Variants in PCDHGA8 observed in about 807,000 individuals in gnomAD.
The protein encoded by PCDHGA8 is protocadherin gamma subfamily A, 8.
A neutral mutation model predicts 59.2 loss-of-function variants in PCDHGA8; 45 were observed. The ratio of observed to expected loss-of-function variants is 0.76; its 90% CI spans 0.60 to 0.98. The LOEUF (loss-of-function observed/expected upper bound fraction) is 0.98, where lower values mean the gene tolerates loss of function less well. PCDHGA8 is among the 50% of genes least tolerant of loss of function. The probability of loss-of-function intolerance (pLI) is 0.00; values close to 1 mark genes in which losing one functional copy is unlikely to be tolerated. For synonymous variants in PCDHGA8, 531 were observed against 519.0 expected, an observed-to-expected ratio of 1.02 and a Z score of -0.32; for missense variants, 1,257 against 1,196.2, an observed-to-expected ratio of 1.05 and a Z score of -0.75.
intron 1 of PCDHGA8, among the ~76,000 whole-genome samples, chr5:141,425,820 C>T (rs978139996): frequency 6.6e-6 from 1 of 152,156 alleles, no homozygotes; most frequent in Admixed American, 6.5e-5. Flanking sequence ...TAGAAAAAAA[C>T]AAACTTTTAA....
chr5:141,468,598 G>A (rs1250884127), intron 1 of PCDHGA8: 1 of 152,228 alleles, frequency 6.6e-6, no homozygotes, highest in African/African-American at 2.4e-5. Context: ...TGGGCGCGGT[G>A]GCTCACGCCT....
rs1561852927 is a variant in PCDHGA8, at chr5:141,431,472, A to G, written c.2424+36235A>G. On this transcript the variant is annotated intron_variant, in intron 1 of 3. Coordinates refer to ENST00000398604, the MANE Select transcript of PCDHGA8 (RefSeq NM_032088.2). The surrounding 1 kb of genome is among the most constrained non-coding windows in gnomAD (Gnocchi z 4.8). The stretch of plus-strand genomic sequence containing the variant: ...GTGATGGTTCTGGATGCGAACGACA[A>G]CGCACCAGCGTTTGCTCAGCCCGAG... 6.2e-7 allele frequency: 1 copy of G among 1,613,784 alleles called. No individual in the cohort carries two copies. The highest frequency in any genetic ancestry group is 8.5e-7 in the Non-Finnish European group (1 of 1,179,948).
At chr5:141,494,768 C>T (rs758949982) in intron 1 of PCDHGA8, 39 bp from the exon 2 acceptor site, 1 of 1,614,060 alleles carries the variant, frequency 6.2e-7, no homozygotes, top group South Asian at 1.1e-5. Flanking sequence ...TCTAACTTCT[C>T]ACGGGTACTC....
rs1456184444 is a variant in PCDHGA8, at chr5:141,512,578, C to T, written c.*1405C>T. On this transcript the variant is annotated 3_prime_UTR_variant, in exon 4 of 4. Coordinates refer to ENST00000398604, the MANE Select transcript of PCDHGA8 (RefSeq NM_032088.2). ...ATAGACCTTCTTCTCCCACCCCCTT[C>T]TGCCCCTGGGTCCCCGGCCATCCAG... is the stretch of plus-strand genomic sequence containing the variant. 1 of 152,944 alleles carries T rather than the reference C, an allele frequency of 6.5e-6. No homozygotes were observed. The highest frequency in any genetic ancestry group is 1.5e-5 in the Non-Finnish European group (1 of 68,542). 9.5% of individuals were successfully genotyped at this position (152,944 alleles called of 1,614,324 possible). A position where few individuals can be genotyped will look rare whatever the true frequency, so the allele number is the denominator to read the frequency against.
intron 1 of PCDHGA8, chr5:141,479,209 A>T (rs1314929824): frequency 6.6e-6 from 1 of 152,432 alleles, no homozygotes; most frequent in African/African-American, 2.4e-5. Context: ...AAAAGTATTT[A>T]AAAAATTAAA....
At chr5:141,435,805 T>C (rs2097780946) in intron 1 of PCDHGA8, among the ~76,000 whole-genome samples, 1 of 152,178 alleles carries the variant, frequency 6.6e-6, no homozygotes, top group African/African-American at 2.4e-5. Flanking sequence ...GTCCCAATTA[T>C]TTTTTCTTTC....
Position 141,399,283 on chromosome 5 carries a change from G to T in PCDHGA8, c.2424+4046G>T, listed in dbSNP as rs533695738. ...GGTTAATTGTCAATTACAAGGCGAA[G>T]TCCCTTTTAAGATTATCTCTTCATC... On this transcript the variant is annotated intron_variant, in intron 1 of 3. Coordinates refer to ENST00000398604, the MANE Select transcript of PCDHGA8 (RefSeq NM_032088.2). The T allele has an allele frequency of 5.0e-6, 8 of 1,613,888 alleles. No individual in the cohort carries two copies. The South Asian group carries it at 7.7e-5, about 16-fold the overall frequency.
intron 1 of PCDHGA8, chr5:141,398,802 C>A: frequency 6.2e-7 from 1 of 1,613,982 alleles, no homozygotes; most frequent in Non-Finnish European, 8.5e-7. Context: ...TAAGCGGCAC[C>A]ACTGAGCTCC....
intron 1 of PCDHGA8, chr5:141,412,147 G>C (rs1447265509): frequency 6.6e-6 from 1 of 152,176 alleles, no homozygotes; most frequent in East Asian, 1.9e-4. Context: ...GATACAAACT[G>C]CCTAAGAGAA....
chr5:141,492,851 C>T (rs1289268967), intron 1 of PCDHGA8, among the ~76,000 whole-genome samples: 2 of 152,204 alleles, frequency 1.3e-5, no homozygotes, highest in Non-Finnish European at 2.9e-5. Flanking sequence ...GTGAAAGCCT[C>T]GAGCGCCCTG....
intron 1 of PCDHGA8, among the ~76,000 whole-genome samples, chr5:141,448,086 TAA>T (rs558292628): frequency 6.8e-6 from 1 of 146,354 alleles, no homozygotes; most frequent in Middle Eastern, 3.2e-3. Flanking sequence ...AATGCCATCT[TAA>T]AAAAAAAAAA....
At chr5:141,505,538 T>C in intron 3 of PCDHGA8, 57 bp downstream of exon 3, 1 of 1,610,262 alleles carries the variant, frequency 6.2e-7, no homozygotes, top group Non-Finnish European at 8.5e-7. Context: ...CTGGGGTGCA[T>C]CTCACAGCCA....
chr5:141,502,087 C>T (rs1289663374), intron 2 of PCDHGA8, among the ~76,000 whole-genome samples: 1 of 152,180 alleles, frequency 6.6e-6, no homozygotes, highest in Admixed American at 6.5e-5. Context: ...GGGCTGAGAA[C>T]ACCTGGCCTT....
At chr5:141,463,402 T>C (rs1214124103) in intron 1 of PCDHGA8, among the ~76,000 whole-genome samples, 1 of 149,978 alleles carries the variant, frequency 6.7e-6, no homozygotes, top group African/African-American at 2.5e-5. Context: ...GCAAAAAAAA[T>C]GGAGATCCTA....
intron 2 of PCDHGA8, 105 bp downstream of exon 2, chr5:141,494,970 C>T (rs1352514628): frequency 1.9e-6 from 3 of 1,584,974 alleles, no homozygotes; most frequent in East Asian, 4.6e-5. Context: ...GATGGCTTCT[C>T]CCTCAGTTTG....
At chr5:141,439,996 G>C (rs1156373511) in intron 1 of PCDHGA8, 1 of 153,262 alleles carries the variant, frequency 6.5e-6, no homozygotes, top group African/African-American at 2.4e-5. Flanking sequence ...GTTTGGTGGT[G>C]GGAAACCTTG....
Position 141,490,066 on chromosome 5 carries a change from C to G in PCDHGA8, c.2425-4741C>G. ...TGATCCAGACGAGGGCACCAACGGC[C>G]AACTAGACTATTCTTTTGGAGACCA... On this transcript the variant is annotated intron_variant, in intron 1 of 3. Coordinates refer to ENST00000398604, the MANE Select transcript of PCDHGA8 (RefSeq NM_032088.2). The surrounding 1 kb of genome is among the most constrained non-coding windows in gnomAD (Gnocchi z 5.4). The G allele has an allele frequency of 1.2e-6, 2 of 1,614,248 alleles. No individual in the cohort carries two copies. Among genetic ancestry groups the G allele is most frequent in the Non-Finnish European group, 1.7e-6 (2 of 1,180,034 alleles).
In PCDHGA8 at chr5:141,486,157, AG is replaced by A. The variant is rs1562110605; in HGVS notation, c.2425-8649del. 1 of 1,614,208 alleles carries A rather than the reference AG, an allele frequency of 6.2e-7. No homozygotes were observed. Among genetic ancestry groups the A allele is most frequent in the Admixed American group, 1.7e-5 (1 of 60,026 alleles). On this transcript the variant is annotated intron_variant, in intron 1 of 3. Coordinates refer to ENST00000398604, the MANE Select transcript of PCDHGA8 (RefSeq NM_032088.2). This position sits in a 1 kb window ranked among gnomAD's most constrained non-coding sequence, Gnocchi z 5.0. ...TGCGGGCTCGCGATGGGGGTTCTCC[AG>A]CCATGGAGCAACATTGCAGCCTTCG...
rs192995605 is a variant in PCDHGA8, at chr5:141,395,094, G to A, written c.2281G>A (p.Ala761Thr). The stretch of plus-strand genomic sequence containing the variant: ...CTATTCCCAGGAAGTCTCCCTCACC[G>A]CCGACTCGCGGAAGAGTCACCTGAT... ...QTYSQEVSLTADSRKSHLIFP... is the reference protein window; with the variant it reads ...QTYSQEVSLTTDSRKSHLIFP... Residue 761 changes from alanine (A) to threonine (T), a missense_variant, in exon 1 of 4, where the codon GCC becomes ACC. Ala to Thr is a moderately conservative substitution (Grantham distance 58, BLOSUM62 0). Transcript: ENST00000398604. 6.2e-7 allele frequency: 1 copy of A among 1,614,160 alleles called. No individual in the cohort carries two copies. Among genetic ancestry groups the A allele is most frequent in the African/African-American group, 1.3e-5 (1 of 75,036 alleles).
Sources: allele counts gnomAD v4.1 joint callset (sites outside exome capture counted in the v4.1 genomes callset), GRCh38; gene constraint gnomAD v4.1.1; non-coding constraint Gnocchi (gnomAD v3.1); transcripts MANE v1.5; gene names NCBI Gene and HGNC (gene_info 2026-07-23, HGNC 2026-07-21).